The following IMMP2L variants were observed in gnomAD, a reference collection of about 807,000 sequenced individuals.
IMMP2L encodes inner mitochondrial membrane peptidase subunit 2.
In IMMP2L, 18 loss-of-function variants were observed where a neutral mutation model predicts 19.3. The ratio of observed to expected loss-of-function variants is 0.93; its 90% CI spans 0.64 to 1.38. The LOEUF (loss-of-function observed/expected upper bound fraction) is 1.38. Among genes scored for constraint, IMMP2L ranks in the 40% most tolerant of loss-of-function variants. The probability of loss-of-function intolerance (pLI) is 0.00; values close to 1 mark genes in which losing one functional copy is unlikely to be tolerated. For missense variants in IMMP2L, 233 were observed against 218.2 expected (o/e 1.07, Z -0.43); for synonymous variants, 76 against 73.0 (o/e 1.04, Z -0.21).
intron 3 of IMMP2L, among the ~76,000 whole-genome samples, chr7:111,319,147 CT>C (rs1824412296): frequency 6.6e-6 from 1 of 152,074 alleles, no homozygotes; most frequent in Admixed American, 6.6e-5. Context: ...ACTTTCAAGA[CT>C]TTGTGAGGAA....
At position 111,561,962 on chromosome 7, in the gene IMMP2L, A is replaced by T. The variant is rs939142860; in HGVS notation, c.-114T>A. 1 of 152,618 alleles carries T rather than the reference A, an allele frequency of 6.6e-6. No individual in the cohort carries two copies. Among genetic ancestry groups the T allele is most frequent in the African/African-American group, 2.4e-5 (1 of 41,430 alleles). The allele number at this position is 152,618 out of a possible 1,614,324, so 9.5% of individuals were successfully genotyped here. A position where few individuals can be genotyped will look rare whatever the true frequency, so the allele number is the denominator to read the frequency against. On this transcript the variant is annotated 5_prime_UTR_variant, in exon 1 of 6. Transcript: ENST00000405709. ...ACGACAGACAGACACGTGCTTTAAAATCATGTTGTTCAAGCCTGACGCTCT... is the reference window on the plus strand; with the variant it reads ...ACGACAGACAGACACGTGCTTTAAATTCATGTTGTTCAAGCCTGACGCTCT...
chr7:111,385,629 G>C (rs972232574), intron 3 of IMMP2L, among the ~76,000 whole-genome samples: 11 of 151,968 alleles, frequency 7.2e-5, no homozygotes, highest in African/African-American at 2.7e-4. Context: ...TGTCCTGAGT[G>C]GTTCATTGTG....
rs1180629759 is a variant in IMMP2L, at chr7:110,712,634, T to G, written c.409-48913A>C. Among the ~76,000 whole-genome samples the G allele has an allele frequency of 6.2e-5, 2 of 32,354 alleles. 1 individual carries two copies. Among genetic ancestry groups the G allele is most frequent in the Admixed American group, 5.1e-4 (2 of 3,922 alleles). 21.2% of individuals were successfully genotyped at this position (32,354 alleles called of 152,430 possible). On this transcript the variant is annotated intron_variant, in intron 5 of 5. Coordinates refer to ENST00000405709, the MANE Select transcript of IMMP2L (RefSeq NM_032549.4). Reference sequence around the variant, plus strand: ...CTCGTTGCCGCCTTGCAGTTTGATCTCAGACTGCTGTGCTAGCAATCAGTG... The same window carrying G: ...CTCGTTGCCGCCTTGCAGTTTGATCGCAGACTGCTGTGCTAGCAATCAGTG...
intron 3 of IMMP2L, among the ~76,000 whole-genome samples, chr7:111,454,368 TG>T (rs1229674238): frequency 6.6e-6 from 1 of 152,150 alleles, no homozygotes; most frequent in Non-Finnish European, 1.5e-5. Context: ...ATTTTAATTT[TG>T]AAAAAGTATA....
At chr7:111,004,693 G>A (rs1425810398) in intron 3 of IMMP2L, among the ~76,000 whole-genome samples, 4 of 152,048 alleles carry the variant, frequency 2.6e-5, no homozygotes, top group Admixed American at 6.6e-5. Flanking sequence ...CCCCCTTCAA[G>A]GAAGGCAAAG....
intron 4 of IMMP2L, chr7:110,962,858 G>A: frequency 7.6e-7 from 1 of 1,307,950 alleles, no homozygotes; most frequent in Non-Finnish European, 9.7e-7. Context: ...CATTGTATAG[G>A]CCTGGCTACA....
chr7:111,237,493 T>C (rs1190382012), intron 3 of IMMP2L, among the ~76,000 whole-genome samples: 3 of 152,004 alleles, frequency 2.0e-5, no homozygotes, highest in East Asian at 1.9e-4. Flanking sequence ...ATAGTATAAC[T>C]AAGATAAACT....
At chr7:111,175,517 C>T (rs1376622374) in intron 3 of IMMP2L, among the ~76,000 whole-genome samples, 1 of 151,520 alleles carries the variant, frequency 6.6e-6, no homozygotes, top group Non-Finnish European at 1.5e-5. Context: ...TTCACAAGAT[C>T]AGAAATTATT....
At chr7:111,403,196 A>T (rs1365520829) in intron 3 of IMMP2L, among the ~76,000 whole-genome samples, 2 of 151,856 alleles carry the variant, frequency 1.3e-5, no homozygotes, top group African/African-American at 2.4e-5. Context: ...TCCCCATGCT[A>T]TTCTCGTGAT....
At chr7:111,505,835 G>A (rs900469390) in intron 2 of IMMP2L, among the ~76,000 whole-genome samples, 10 of 152,016 alleles carry the variant, frequency 6.6e-5, no homozygotes, top group East Asian at 3.9e-4. Flanking sequence ...TGGGGGGAGC[G>A]GGGAGGGATA....
chr7:111,347,698 G>A (rs1827711914), intron 3 of IMMP2L, among the ~76,000 whole-genome samples: 1 of 151,896 alleles, frequency 6.6e-6, no homozygotes, highest in Admixed American at 6.6e-5. Context: ...AGAGGGTTGG[G>A]CTTGAGTATG....
In IMMP2L at chr7:110,847,286, T is replaced by C. The variant is rs1481366694; in HGVS notation, c.408+39307A>G. Among the ~76,000 whole-genome samples, 10 of 152,278 alleles carry C rather than the reference T, an allele frequency of 6.6e-5. No homozygotes were observed. The East Asian group carries it at 1.9e-3, about 29-fold the overall frequency. On this transcript the variant is annotated intron_variant, in intron 5 of 5. Coordinates refer to ENST00000405709, the MANE Select transcript of IMMP2L (RefSeq NM_032549.4). ...GAAAAGCTTTTTAAGATGTACAACA[T>C]GGATAAGGAAAAAAAGTAGTGTAAT...
intron 3 of IMMP2L, among the ~76,000 whole-genome samples, chr7:111,396,823 G>A (rs1324714335): frequency 3.9e-5 from 6 of 151,922 alleles, no homozygotes; most frequent in South Asian, 2.1e-4. Context: ...GGTGGCTCAC[G>A]CCTGTAATCC....
chr7:110,943,383 G>A (rs534166639), intron 4 of IMMP2L, among the ~76,000 whole-genome samples: 1 of 152,106 alleles, frequency 6.6e-6, no homozygotes, highest in Admixed American at 6.6e-5. Context: ...TTAGTAGAGT[G>A]TATCCTTGTT....
intron 5 of IMMP2L, among the ~76,000 whole-genome samples, chr7:110,775,104 A>C (rs974721569): frequency 6.6e-6 from 1 of 152,114 alleles, no homozygotes; most frequent in Non-Finnish European, 1.5e-5. Context: ...ATTTTGGAAT[A>C]AAAATTTATG....
At chr7:111,294,972 A>C (rs1160190710) in intron 3 of IMMP2L, among the ~76,000 whole-genome samples, 1 of 151,932 alleles carries the variant, frequency 6.6e-6, no homozygotes, top group East Asian at 1.9e-4. Flanking sequence ...ATCATTATGT[A>C]AATTTAACTG....
chr7:111,281,787 T>C (rs1280346896), intron 3 of IMMP2L, among the ~76,000 whole-genome samples: 2 of 152,160 alleles, frequency 1.3e-5, no homozygotes, highest in Admixed American at 1.3e-4. Flanking sequence ...AAATTTGATT[T>C]CATACAGTGA....
intron 3 of IMMP2L, among the ~76,000 whole-genome samples, chr7:111,217,097 G>A (rs1043332526): frequency 5.5e-5 from 7 of 126,880 alleles, no homozygotes; most frequent in South Asian, 2.7e-4. Context: ...CTCTCCCTCC[G>A]TCTCTCTCTC....
rs549090781 is a variant in IMMP2L at position 111,403,001 on chromosome 7, C to G, written c.239+84237G>C. Among the ~76,000 whole-genome samples the G allele has an allele frequency of 4.0e-3, 430 of 106,364 alleles. 33 individuals are homozygous for G. Among genetic ancestry groups the G allele is most frequent in the East Asian group, 0.023 (68 of 2,986 alleles). 69.8% of individuals were successfully genotyped at this position (106,364 alleles called of 152,430 possible). Reference sequence around the variant, plus strand: ...CTCACTGCAGCCTTGACCCCCCCCCCCCACCCCGCCAGGCTCAGGTGATCC... The same window carrying G: ...CTCACTGCAGCCTTGACCCCCCCCCGCCACCCCGCCAGGCTCAGGTGATCC... On this transcript the variant is annotated intron_variant, in intron 3 of 5. Coordinates refer to ENST00000405709, the MANE Select transcript of IMMP2L (RefSeq NM_032549.4).
Sources: gnomAD v4.1 joint callset for allele counts (sites outside exome capture counted in the v4.1 genomes callset) on GRCh38, gnomAD v4.1.1 for gene constraint, MANE v1.5 for transcripts, NCBI Gene and HGNC (gene_info 2026-07-23, HGNC 2026-07-21) for gene names.